Variants in ELMOD1 observed in about 807,000 individuals in gnomAD.
ELMOD1 encodes the protein ELMO domain-containing protein 1.
Under a neutral mutation model 46.7 loss-of-function variants are expected in ELMOD1, and 21 were observed. The ratio of observed to expected loss-of-function variants is 0.45; its 90% confidence interval spans 0.32 to 0.65. The LOEUF is 0.65. Among genes scored for constraint, ELMOD1 ranks in the 30% least tolerant of loss-of-function variants. The pLI, the probability that ELMOD1 is intolerant of heterozygous loss-of-function variation, is 0.04. For synonymous variants in ELMOD1, 122 were observed against 138.2 expected (o/e 0.88, Z 0.82); for missense variants, 348 against 407.8 (o/e 0.85, Z 1.26).
chr11:107,611,001 A>AG (rs1865770291), intron 1 of ELMOD1, among the ~76,000 whole-genome samples: 1 of 149,526 alleles, frequency 6.7e-6, no homozygotes, highest in Non-Finnish European at 1.5e-5. Context: ...AAGAATCCAA[A>AG]AAAAAAAAAA....
intron 1 of ELMOD1, among the ~76,000 whole-genome samples, chr11:107,598,835 C>G (rs1408427487): frequency 1.3e-5 from 2 of 152,370 alleles, no homozygotes; most frequent in East Asian, 3.9e-4. Flanking sequence ...ACCCAGTTCT[C>G]TAGCCCACCT....
At chr11:107,657,073 C>T (rs779388261) in intron 11 of ELMOD1, among the ~76,000 whole-genome samples, 5 of 151,974 alleles carry the variant, frequency 3.3e-5, no homozygotes, top group Non-Finnish European at 5.9e-5. Flanking sequence ...GTAATAAGCA[C>T]CTACATAATA....
chr11:107,628,459 C>T (rs1866081892), intron 2 of ELMOD1, among the ~76,000 whole-genome samples: 1 of 152,156 alleles, frequency 6.6e-6, no homozygotes, highest in South Asian at 2.1e-4. Flanking sequence ...GCCACTGCGT[C>T]CAGCCCTGAG....
intron 6 of ELMOD1, among the ~76,000 whole-genome samples, chr11:107,641,282 ACT>A: frequency 6.6e-6 from 1 of 151,158 alleles, no homozygotes; most frequent in East Asian, 1.9e-4. Flanking sequence ...ACAGAGAAAG[ACT>A]CTGTCTCAAA....
chr11:107,655,009 G>A (rs1315378185), intron 10 of ELMOD1, among the ~76,000 whole-genome samples: 3 of 152,000 alleles, frequency 2.0e-5, no homozygotes, highest in Non-Finnish European at 4.4e-5. Flanking sequence ...AATATACACT[G>A]TGTTAAGATC....
chr11:107,659,429 G>T (rs554588776), intron 11 of ELMOD1, among the ~76,000 whole-genome samples: 2 of 152,174 alleles, frequency 1.3e-5, no homozygotes, highest in Admixed American at 1.3e-4. Flanking sequence ...ATAATGTAGG[G>T]CTCTGGAGTG....
intron 6 of ELMOD1, among the ~76,000 whole-genome samples, chr11:107,636,303 C>T (rs1591124238): frequency 6.6e-6 from 1 of 152,304 alleles, no homozygotes; most frequent in East Asian, 1.9e-4. Context: ...GTTATGAATA[C>T]TCCTGGCTGT....
At chr11:107,616,704 GGCTAC>G (rs539045303) in intron 1 of ELMOD1, among the ~76,000 whole-genome samples, 258 of 152,296 alleles carry the variant, frequency 1.7e-3, no homozygotes, top group African/African-American at 6.0e-3. Flanking sequence ...AGGGCAGAGT[GGCTAC>G]GTCAATTATT....
intron 1 of ELMOD1, among the ~76,000 whole-genome samples, chr11:107,603,585 C>T (rs944033126): frequency 2.6e-5 from 4 of 151,876 alleles, no homozygotes; most frequent in Admixed American, 6.6e-5. Context: ...TTCAACCAAG[C>T]CTCTATTTTG....
chr11:107,605,262 C>T (rs1384300786), intron 1 of ELMOD1, among the ~76,000 whole-genome samples: 1 of 149,644 alleles, frequency 6.7e-6, no homozygotes, highest in Non-Finnish European at 1.5e-5. Flanking sequence ...TGCAGTGGCG[C>T]AATCTTGACC....
intron 2 of ELMOD1, among the ~76,000 whole-genome samples, chr11:107,623,088 TA>T (rs1277133028): frequency 1.3e-5 from 2 of 152,190 alleles, no homozygotes; most frequent in Non-Finnish European, 1.5e-5. Context: ...ACTCATCATT[TA>T]ACATTAGGTA....
At chr11:107,625,304 A>T in intron 2 of ELMOD1, 1 of 703,534 alleles carries the variant, frequency 1.4e-6, no homozygotes, top group Non-Finnish European at 1.7e-6. Context: ...GATGAAAAGT[A>T]TTTCATTTGG....
rs1209294008 is a variant in ELMOD1 at position 107,591,623 on chromosome 11, TCTATC to T, written c.-86+217_-86+221del. ...GTCACCCAGGACAGTGATTTCCCCT[TCTATC>T]CTGTCCTCCCAATTAACACCCGAGA... On this transcript the variant is annotated intron_variant, in intron 1 of 11. Transcript: ENST00000265840. The T allele has an allele frequency of 1.4e-5, 5 of 353,420 alleles. No individual in the cohort carries two copies. In the East Asian group the frequency reaches 3.2e-4, roughly 23 times the overall value. 21.9% of individuals were successfully genotyped at this position (353,420 alleles called of 1,614,324 possible).
chr11:107,627,334 T>G (rs905441313), intron 2 of ELMOD1, among the ~76,000 whole-genome samples: 2 of 152,218 alleles, frequency 1.3e-5, no homozygotes, highest in African/African-American at 4.8e-5. Flanking sequence ...TGAAATTGTT[T>G]ATGATTATGT....
intron 11 of ELMOD1, among the ~76,000 whole-genome samples, chr11:107,656,419 ATT>A (rs1491540028): frequency 1.6e-5 from 2 of 127,880 alleles, no homozygotes; most frequent in East Asian, 4.5e-4. Context: ...TATTATATAT[ATT>A]ATATATATAA....
At chr11:107,622,649 A>G (rs1865970195) in intron 2 of ELMOD1, among the ~76,000 whole-genome samples, 2 of 152,242 alleles carry the variant, frequency 1.3e-5, no homozygotes, top group South Asian at 4.1e-4. Flanking sequence ...CTTTCAGACA[A>G]GTTAGTCAAA....
intron 1 of ELMOD1, among the ~76,000 whole-genome samples, chr11:107,615,350 C>G (rs971980686): frequency 1.4e-4 from 21 of 149,036 alleles, no homozygotes; most frequent in African/African-American, 5.2e-4. Context: ...ATTCTCCTGC[C>G]TCAGCCTCCC....
chr11:107,632,409 C>G (rs558271768), intron 5 of ELMOD1, among the ~76,000 whole-genome samples: 1 of 152,178 alleles, frequency 6.6e-6, no homozygotes, highest in South Asian at 2.1e-4. Flanking sequence ...TAGATGTTAC[C>G]TTTGAGAAAG....
At chr11:107,652,820 T>C (rs2135711384) in intron 9 of ELMOD1, among the ~76,000 whole-genome samples, 1 of 152,332 alleles carries the variant, frequency 6.6e-6, no homozygotes, top group East Asian at 1.9e-4. Flanking sequence ...CATTGTTAAA[T>C]ATCAATTCTG....
Sources: gnomAD v4.1 joint callset for allele counts (sites outside exome capture counted in the v4.1 genomes callset) on GRCh38, gnomAD v4.1.1 for gene constraint, MANE v1.5 for transcripts, NCBI Gene and HGNC (gene_info 2026-07-23, HGNC 2026-07-21) for gene names.